SLC1A2: variants seen among roughly 807,000 people sequenced by gnomAD.
SLC1A2 encodes the protein excitatory amino acid transporter 2.
Under a neutral mutation model 48.8 loss-of-function variants are expected in SLC1A2, and 15 were observed. That is an observed-to-expected ratio of 0.31 (90% confidence interval 0.21 to 0.47). SLC1A2 has a LOEUF of 0.47. Ranked by LOEUF, SLC1A2 falls within the 20% of genes least tolerant of loss-of-function variation. The pLI, the probability that SLC1A2 is intolerant of heterozygous loss-of-function variation, is 0.99. For missense variants in SLC1A2, 502 were observed against 730.5 expected (o/e 0.69, Z 3.61); for synonymous variants, 279 against 272.6 (o/e 1.02, Z -0.23).
intron 1 of SLC1A2, among the ~76,000 whole-genome samples, chr11:35,368,410 T>C (rs992401702): frequency 6.6e-6 from 1 of 152,198 alleles, no homozygotes; most frequent in Non-Finnish European, 1.5e-5. Context: ...ATAATCATAG[T>C]CCCTACCTCC....
chr11:35,380,535 C>G, intron 1 of SLC1A2: 1 of 397,802 alleles, frequency 2.5e-6, no homozygotes, highest in Non-Finnish European at 4.4e-6. Context: ...TTCAGGTCTA[C>G]AGCGAGCTGC....
chr11:35,305,940 C>T, intron 5 of SLC1A2, 134 bp downstream of exon 5: 2 of 702,634 alleles, frequency 2.8e-6, no homozygotes, highest in Non-Finnish European at 2.3e-6. Context: ...TCCCAGTGAC[C>T]CTCAAATTGC....
At chr11:35,274,679 A>G (rs947754686) in intron 9 of SLC1A2, among the ~76,000 whole-genome samples, 1 of 152,142 alleles carries the variant, frequency 6.6e-6, no homozygotes, top group African/African-American at 2.4e-5. Context: ...TTGAACCCCA[A>G]TTCAGCCAGT....
chr11:35,382,231 C>A (rs1854448232), intron 1 of SLC1A2, among the ~76,000 whole-genome samples: 1 of 152,178 alleles, frequency 6.6e-6, no homozygotes, highest in Admixed American at 6.5e-5. Context: ...CCTTTACTTA[C>A]CATTTGTTTC....
At chr11:35,277,203 G>A (rs1326910932) in intron 9 of SLC1A2, among the ~76,000 whole-genome samples, 2 of 152,212 alleles carry the variant, frequency 1.3e-5, no homozygotes, top group Admixed American at 6.5e-5. Context: ...CCATAGCCCA[G>A]TGGGTGGCCC....
chr11:35,318,899 C>A (rs1851969268), intron 1 of SLC1A2, among the ~76,000 whole-genome samples: 1 of 152,158 alleles, frequency 6.6e-6, no homozygotes, highest in African/African-American at 2.4e-5. Context: ...GAGTTAAGAC[C>A]TGGAACCCAA....
intron 4 of SLC1A2, among the ~76,000 whole-genome samples, chr11:35,309,447 A>G (rs1851618527): frequency 6.6e-6 from 1 of 152,204 alleles, no homozygotes; most frequent in Non-Finnish European, 1.5e-5. Flanking sequence ...TTGTAAGGTC[A>G]TATCTTACAG....
At chr11:35,298,125 C>G (rs940704943) in intron 6 of SLC1A2, 1 of 152,080 alleles carries the variant, frequency 6.6e-6, no homozygotes, top group South Asian at 2.1e-4. Context: ...TTAACAAAAG[C>G]ACCTATTTTT....
At chr11:35,275,586 C>T (rs1850416457) in intron 9 of SLC1A2, among the ~76,000 whole-genome samples, 1 of 152,192 alleles carries the variant, frequency 6.6e-6, no homozygotes, top group African/African-American at 2.4e-5. Context: ...TTGGTTTTCA[C>T]CATGACATTT....
intron 10 of SLC1A2, among the ~76,000 whole-genome samples, chr11:35,264,489 C>G (rs1333929549): frequency 6.6e-6 from 1 of 152,158 alleles, no homozygotes; most frequent in Non-Finnish European, 1.5e-5. Context: ...CAGGGTTTCT[C>G]CAAGTTTGCT....
intron 9 of SLC1A2, 192 bp downstream of exon 9, chr11:35,280,675 C>T: frequency 1.9e-6 from 1 of 531,494 alleles, no homozygotes; most frequent in Non-Finnish European, 3.3e-6. Context: ...GACTGTGACG[C>T]CTTCAAATAT....
At chr11:35,305,428 C>G (rs939847090) in intron 5 of SLC1A2, among the ~76,000 whole-genome samples, 3 of 152,108 alleles carry the variant, frequency 2.0e-5, no homozygotes, top group African/African-American at 7.2e-5. Context: ...AGTAACTTGC[C>G]CAGGGTCAGA....
intron 10 of SLC1A2, among the ~76,000 whole-genome samples, chr11:35,262,084 T>C (rs1184462164): frequency 6.6e-6 from 1 of 152,174 alleles, no homozygotes; most frequent in East Asian, 1.9e-4. Flanking sequence ...CAACAAGACA[T>C]AACAATGCTT....
At chr11:35,408,981 A>G (rs918857067) in intron 1 of SLC1A2, among the ~76,000 whole-genome samples, 2 of 152,226 alleles carry the variant, frequency 1.3e-5, no homozygotes, top group African/African-American at 4.8e-5. Context: ...GTTGCTCTAC[A>G]ATTGAGTCAC....
intron 1 of SLC1A2, among the ~76,000 whole-genome samples, chr11:35,409,159 A>G (rs536701932): frequency 1.3e-5 from 2 of 152,352 alleles, no homozygotes; most frequent in African/African-American, 4.8e-5. Flanking sequence ...ACCTCTGAAC[A>G]TATCTTAATA....
chr11:35,370,861 G>A (rs1482678406), intron 1 of SLC1A2: 1 of 686,840 alleles, frequency 1.5e-6, no homozygotes, highest in Admixed American at 6.3e-5. Context: ...AAGAACATGA[G>A]CTGCACATGC....
chr11:35,291,998 T>G, intron 7 of SLC1A2: 1 of 360,856 alleles, frequency 2.8e-6, no homozygotes, highest in Non-Finnish European at 5.0e-6. Context: ...AAACTAATGA[T>G]TTAAGTGGCA....
At chr11:35,311,061 C>T (rs968834612) in intron 4 of SLC1A2, among the ~76,000 whole-genome samples, 13 of 152,074 alleles carry the variant, frequency 8.5e-5, no homozygotes, top group African/African-American at 2.9e-4. Flanking sequence ...GACTTTAAAA[C>T]ATTGTTCAAT....
chr11:35,257,150 T>C lies in SLC1A2; in HGVS notation c.*3744A>G, dbSNP rs1239948857. The C allele has an allele frequency of 6.6e-6, 1 of 152,182 alleles. No individual in the cohort carries two copies. The highest frequency in any genetic ancestry group is 1.5e-5 in the Non-Finnish European group (1 of 68,036). 9.4% of individuals were successfully genotyped at this position (152,182 alleles called of 1,614,324 possible). A position where few individuals can be genotyped will look rare whatever the true frequency, so the allele number is the denominator to read the frequency against. On this transcript the variant is annotated 3_prime_UTR_variant, in exon 11 of 11. Transcript: ENST00000278379. ...CAAAAGGGCTTCTTGACTAGATACATATGCAAATGATGTATTTCTCCACAC... is the reference window on the plus strand; with the variant it reads ...CAAAAGGGCTTCTTGACTAGATACACATGCAAATGATGTATTTCTCCACAC...
Sources: allele counts gnomAD v4.1 joint callset (sites outside exome capture counted in the v4.1 genomes callset), GRCh38; gene constraint gnomAD v4.1.1; transcripts MANE v1.5; gene names NCBI Gene and HGNC (gene_info 2026-07-23, HGNC 2026-07-21).